ACADSB: variants seen among roughly 807,000 people sequenced by gnomAD.
ACADSB encodes short/branched chain specific acyl-CoA dehydrogenase, mitochondrial.
Under a neutral mutation model 54.1 loss-of-function variants are expected in ACADSB, and 40 were observed. The ratio of observed to expected loss-of-function variants is 0.74; its 90% CI spans 0.57 to 0.96. ACADSB has a LOEUF of 0.96. ACADSB is among the 40% of genes least tolerant of loss of function. The pLI, the probability that ACADSB is intolerant of heterozygous loss-of-function variation, is 0.00. For synonymous variants in ACADSB, 182 were observed against 182.8 expected, an observed-to-expected ratio of 1.00 and a Z score of 0.03; for missense variants, 530 against 510.4, an observed-to-expected ratio of 1.04 and a Z score of -0.37.
intron 1 of ACADSB, among the ~76,000 whole-genome samples, chr10:123,032,879 A>G: frequency 6.6e-6 from 1 of 151,942 alleles, no homozygotes; most frequent in African/African-American, 2.4e-5. Flanking sequence ...GTGAGCCACC[A>G]TGCCTGGCCT....
chr10:123,050,849 G>A (rs1298037153), intron 8 of ACADSB, among the ~76,000 whole-genome samples, 200 bp from the exon 9 acceptor site: 2 of 152,048 alleles, frequency 1.3e-5, no homozygotes, highest in East Asian at 3.8e-4. Flanking sequence ...GTTTTTCTAG[G>A]AAAAGAGGAT....
intron 5 of ACADSB, 44 bp from the exon 6 acceptor site, chr10:123,043,002 T>TTC: frequency 6.2e-7 from 1 of 1,606,264 alleles, no homozygotes; most frequent in African/African-American, 1.3e-5. Context: ...AACAAGGCGT[T>TTC]TTATAAATCC....
chr10:123,047,008 A>T (rs1850568796), intron 7 of ACADSB, among the ~76,000 whole-genome samples: 1 of 152,086 alleles, frequency 6.6e-6, no homozygotes, highest in Admixed American at 6.5e-5. Context: ...ATCACTCAAA[A>T]TTTTCTCCCA....
intron 1 of ACADSB, among the ~76,000 whole-genome samples, chr10:123,014,535 A>G (rs1850087096): frequency 6.6e-6 from 1 of 152,224 alleles, no homozygotes; most frequent in Non-Finnish European, 1.5e-5. Flanking sequence ...ACACATTACC[A>G]ATAACTTTGA....
chr10:123,037,577 G>A (rs1850416120), intron 2 of ACADSB, among the ~76,000 whole-genome samples, 170 bp from the exon 3 acceptor site: 1 of 152,110 alleles, frequency 6.6e-6, no homozygotes, highest in Non-Finnish European at 1.5e-5. Flanking sequence ...AGGGATATGG[G>A]AAACTACACC....
At chr10:123,010,651 T>C (rs997147669) in intron 1 of ACADSB, among the ~76,000 whole-genome samples, 1 of 152,138 alleles carries the variant, frequency 6.6e-6, no homozygotes, top group Non-Finnish European at 1.5e-5. Flanking sequence ...TCCAAAATTG[T>C]TGTGAAAATT....
intron 8 of ACADSB, among the ~76,000 whole-genome samples, chr10:123,049,382 C>T (rs941281957): frequency 6.6e-5 from 10 of 152,148 alleles, no homozygotes; most frequent in African/African-American, 2.2e-4. Context: ...AGTTAGGGAA[C>T]GAGTATTCAG....
chr10:123,015,666 C>T (rs943265417), intron 1 of ACADSB, among the ~76,000 whole-genome samples: 2 of 152,234 alleles, frequency 1.3e-5, no homozygotes, highest in African/African-American at 4.8e-5. Flanking sequence ...AACTTTCTCT[C>T]TAAAACTATT....
rs766888009 is a variant in ACADSB, at chr10:123,009,026, G to A, written c.-4G>A. On this transcript the variant is annotated 5_prime_UTR_variant, in exon 1 of 11. Transcript: ENST00000358776. Reference sequence around the variant, plus strand: ...GGCGCAGAGCGGAGAGGCCTGCGGCGAGGATGGAGGGCCTGGCAGTGCGGT... The same window carrying A: ...GGCGCAGAGCGGAGAGGCCTGCGGCAAGGATGGAGGGCCTGGCAGTGCGGT... 19 of 1,547,922 alleles carry A rather than the reference G, an allele frequency of 1.2e-5. No homozygotes were observed. The Middle Eastern group carries it at 8.8e-4, about 72-fold the overall frequency.
chr10:123,037,770 A>G lies in ACADSB; in HGVS notation c.226A>G (p.Ile76Val), dbSNP rs1357404547. 2 of 1,612,058 alleles carry G rather than the reference A, an allele frequency of 1.2e-6. No homozygotes were observed. Among genetic ancestry groups the G allele is most frequent in the Non-Finnish European group, 1.7e-6 (2 of 1,178,292 alleles). ...SSVKKFAQEQ[I>V]APLVSTMDEN... ...AGTTAAAAAATTTGCTCAGGAACAA[A>G]TTGCACCTTTGGTTTCAACCATGGA... The change falls in exon 3 of 11, where the codon ATT becomes GTT. Residue 76 changes from isoleucine (I) to valine (V), a missense_variant. Physicochemically the swap from Ile to Val is conservative, Grantham distance 29 (BLOSUM62 3). Coordinates refer to ENST00000358776, the MANE Select transcript of ACADSB (RefSeq NM_001609.4).
At position 123,052,171 on chromosome 10, in the gene ACADSB, C is replaced by A. The variant is rs1309623974; in HGVS notation, c.1129-890C>A. On this transcript the variant is annotated intron_variant, in intron 9 of 10. Transcript: ENST00000358776. The surrounding 1 kb of genome is among the most constrained non-coding windows in gnomAD (Gnocchi z 4.2). The stretch of plus-strand genomic sequence containing the variant: ...TACTAGATTCCAATTGCTGCTATAA[C>A]AAATTACCAAAAAGTCGGGGACCTA... 6.6e-6 allele frequency among the ~76,000 whole-genome samples: 1 copy of A among 152,130 alleles called. No individual in the cohort carries two copies. The highest frequency in any genetic ancestry group is 2.4e-5 in the African/African-American group (1 of 41,430).
At chr10:123,024,652 A>AGG (rs1239816395) in intron 1 of ACADSB, among the ~76,000 whole-genome samples, 1 of 152,254 alleles carries the variant, frequency 6.6e-6, no homozygotes, top group Non-Finnish European at 1.5e-5. Context: ...AAATGCACAA[A>AGG]CAAAGGAAGA....
chr10:123,053,598 G>A, intron 10 of ACADSB, 97 bp from the exon 11 acceptor site: 1 of 1,055,744 alleles, frequency 9.5e-7, no homozygotes, highest in Non-Finnish European at 1.5e-6. Flanking sequence ...ACTAGTAACT[G>A]TTTTATAGCA....
At chr10:123,039,208 T>C (rs1850440189) in intron 3 of ACADSB, among the ~76,000 whole-genome samples, 1 of 152,186 alleles carries the variant, frequency 6.6e-6, no homozygotes, top group South Asian at 2.1e-4. Flanking sequence ...CGGAGTGCCC[T>C]CCTCAGTTCT....
At chr10:123,029,369 AAAAG>A (rs1388555924) in intron 1 of ACADSB, among the ~76,000 whole-genome samples, 2 of 152,032 alleles carry the variant, frequency 1.3e-5, no homozygotes, top group Non-Finnish European at 2.9e-5. Flanking sequence ...AGAAAAAAAA[AAAAG>A]AAAGAAAACA....
intron 1 of ACADSB, among the ~76,000 whole-genome samples, chr10:123,018,684 G>T (rs533751006): frequency 4.6e-5 from 7 of 152,156 alleles, no homozygotes; most frequent in Non-Finnish European, 1.0e-4. Flanking sequence ...TAATGGATTC[G>T]CAGTTCCACG....
chr10:123,037,753 A>C lies in ACADSB; in HGVS notation c.209A>C (p.Lys70Thr). The change falls in exon 3 of 11, where the codon AAA (lysine) becomes ACA (threonine). Residue 70 changes from lysine to threonine, a missense_variant. Physicochemically the swap from Lys to Thr is moderately conservative, Grantham distance 78. Transcript: ENST00000358776. ...GTAATTCTTTTTCCTACAGTTAAAA[A>C]ATTTGCTCAGGAACAAATTGCACCT... Reference protein sequence around the residue: ...EEMMIKSSVKKFAQEQIAPLV... With the variant: ...EEMMIKSSVKTFAQEQIAPLV... The C allele has an allele frequency of 6.2e-7, 1 of 1,606,296 alleles. No homozygotes were observed. Among genetic ancestry groups the C allele is most frequent in the African/African-American group, 1.3e-5 (1 of 74,862 alleles).
rs1175419907 is a variant in ACADSB, at chr10:123,052,757, T to C, written c.1129-304T>C. ...ACGTGTTGGTCCTCAGCTTGAAATGTCCCTTAGCTCGTCCGTTAGGCCCCC... is the reference window on the plus strand; with the variant it reads ...ACGTGTTGGTCCTCAGCTTGAAATGCCCCTTAGCTCGTCCGTTAGGCCCCC... On this transcript the variant is annotated intron_variant, in intron 9 of 10. Coordinates refer to ENST00000358776, the MANE Select transcript of ACADSB (RefSeq NM_001609.4). This position sits in a 1 kb window ranked among gnomAD's most constrained non-coding sequence, Gnocchi z 4.2. 2 of 361,566 alleles carry C rather than the reference T, an allele frequency of 5.5e-6. No individual in the cohort carries two copies. Among genetic ancestry groups the C allele is most frequent in the African/African-American group, 4.2e-5 (2 of 47,512 alleles). The allele number at this position is 361,566 out of a possible 1,614,324, so 22.4% of individuals were successfully genotyped here. A position where few individuals can be genotyped will look rare whatever the true frequency, so the allele number is the denominator to read the frequency against.
Position 123,009,098 on chromosome 10 carries a change from G to A in ACADSB, c.42+27G>A, listed in dbSNP as rs117921026. ...TGAGTGCGTTCGAGGCTGGCGTCCTGGGGGCCCAGGGCGACCTTGGCCCCT... is the reference window on the plus strand; with the variant it reads ...TGAGTGCGTTCGAGGCTGGCGTCCTAGGGGCCCAGGGCGACCTTGGCCCCT... On this transcript the variant is annotated intron_variant, in intron 1 of 10. Coordinates refer to ENST00000358776, the MANE Select transcript of ACADSB (RefSeq NM_001609.4). 146,045 of 1,541,906 alleles carry A rather than the reference G, an allele frequency of 0.095. 7,882 individuals are homozygous for A. The highest frequency in any genetic ancestry group is 0.11 in the Non-Finnish European group (126,383 of 1,145,676).
Sources: allele counts gnomAD v4.1 joint callset (sites outside exome capture counted in the v4.1 genomes callset), GRCh38; gene constraint gnomAD v4.1.1; non-coding constraint Gnocchi (gnomAD v3.1); transcripts MANE v1.5; gene names NCBI Gene and HGNC (gene_info 2026-07-23, HGNC 2026-07-21).